Variants in XDH observed in about 807,000 individuals in gnomAD.
XDH encodes xanthine dehydrogenase.
Under a neutral mutation model 156.1 loss-of-function variants are expected in XDH, and 138 were observed. The observed-to-expected ratio is 0.88, with a 90% CI of 0.77 to 1.02. The LOEUF (loss-of-function observed/expected upper bound fraction) is 1.02, where lower values mean the gene tolerates loss of function less well. XDH is among the 50% of genes least tolerant of loss of function. The pLI, the probability that XDH is intolerant of heterozygous loss-of-function variation, is 0.00. For synonymous variants in XDH, 669 were observed against 625.7 expected (o/e 1.07, Z -1.03); for missense variants, 1,849 against 1,684.9 (o/e 1.10, Z -1.71).
At position 31,337,780 on chromosome 2, in the gene XDH, A is replaced by G. The variant is rs753175342; in HGVS notation, c.3812T>C (p.Ile1271Thr). The part of the protein sequence containing the change: ...GEPPLFLAAS[I>T]FFAIKDAIRA... ...GATGGCATCTTTGATGGCAAAGAAG[A>G]TAGAAGCAGCCAGGAAGAGGGGCGG... Residue 1271 changes from isoleucine to threonine, a missense_variant, in exon 35 of 36, where the codon ATC becomes ACC. Coordinates refer to ENST00000379416, the MANE Select transcript of XDH (RefSeq NM_000379.4). 27 of 1,614,090 alleles carry G rather than the reference A, an allele frequency of 1.7e-5. No homozygotes were observed. The highest frequency in any genetic ancestry group is 2.3e-5 in the Non-Finnish European group (27 of 1,180,038).
rs770700444 is a variant in XDH at position 31,398,666 on chromosome 2, C to T, written c.340G>A (p.Gly114Arg). 47 of 1,614,018 alleles carry T rather than the reference C, an allele frequency of 2.9e-5. No homozygotes were observed. The highest frequency in any genetic ancestry group is 3.6e-5 in the Non-Finnish European group (42 of 1,180,000). ...RIAKSHGSQC[G>R]FCTPGIVMSM... ...ATGACGATGCCAGGGGTGCAGAACCCGCACTGGGAGCCGTGGCTTTTGGCA... is the reference window on the plus strand; with the variant it reads ...ATGACGATGCCAGGGGTGCAGAACCTGCACTGGGAGCCGTGGCTTTTGGCA... The change falls in exon 5 of 36, where the codon GGG (glycine) becomes AGG (arginine). Residue 114 changes from glycine to arginine, a missense_variant. Transcript: ENST00000379416.
chr2:31,377,349 A>G (rs1686272950), intron 13 of XDH, 112 bp from the exon 14 acceptor site: 2 of 1,171,270 alleles, frequency 1.7e-6, no homozygotes, highest in African/African-American at 3.0e-5. Flanking sequence ...ACCATCACAC[A>G]TCAGTGGGTG....
rs1468438836 is a variant in XDH at position 31,375,558 on chromosome 2, C to T, written c.1428-4G>A. 1 of 1,612,894 alleles carries T rather than the reference C, an allele frequency of 6.2e-7. No homozygotes were observed. Among genetic ancestry groups the T allele is most frequent in the Admixed American group, 1.7e-5 (1 of 60,008 alleles). Reference sequence around the variant, plus strand: ...CAGCAGCTCCTCCTTCCAGAGCCTGCCAGAGAGCAGGGCGTGGGACAGCGC... The same window carrying T: ...CAGCAGCTCCTCCTTCCAGAGCCTGTCAGAGAGCAGGGCGTGGGACAGCGC... On this transcript the variant is annotated splice_polypyrimidine_tract_variant and splice_region_variant and intron_variant, in intron 14 of 35. Transcript: ENST00000379416.
At chr2:31,386,378 C>T in intron 9 of XDH, 36 bp downstream of exon 9, 1 of 1,607,926 alleles carries the variant, frequency 6.2e-7, no homozygotes. Flanking sequence ...CCCCCAGACC[C>T]CCTGGCAGCC....
chr2:31,371,779 A>C (rs1314384991), intron 17 of XDH, among the ~76,000 whole-genome samples: 1 of 152,186 alleles, frequency 6.6e-6, no homozygotes, highest in African/African-American at 2.4e-5. Flanking sequence ...TAGGAGCAGC[A>C]GCAGAGAAAA....
In XDH at chr2:31,349,828, G is replaced by A. The variant is rs759966525; in HGVS notation, c.2827C>T (p.Arg943Trp). 1.7e-5 allele frequency: 27 copies of A among 1,613,784 alleles called. No homozygotes were observed. Among genetic ancestry groups the A allele is most frequent in the Middle Eastern group, 1.7e-4 (1 of 5,968 alleles). ...CCTTCTTTGTACAGGTTTTTTCTCCGCACCTTCCCAAGGAGAGAGACACAG... is the reference window on the plus strand; with the variant it reads ...CCTTCTTTGTACAGGTTTTTTCTCCACACCTTCCCAAGGAGAGAGACACAG... Reference protein sequence around the residue: ...VTCGMPAEEVRRKNLYKEGDL... With the variant: ...VTCGMPAEEVWRKNLYKEGDL... The change falls in exon 26 of 36, where the codon CGG becomes TGG. Residue 943 changes from arginine to tryptophan, a missense_variant. Coordinates refer to ENST00000379416, the MANE Select transcript of XDH (RefSeq NM_000379.4).
intron 4 of XDH, among the ~76,000 whole-genome samples, chr2:31,400,846 T>C (rs1055949256): frequency 6.6e-6 from 1 of 152,118 alleles, no homozygotes; most frequent in Non-Finnish European, 1.5e-5. Flanking sequence ...GCACAGATAA[T>C]TAAAATTCAA....
chr2:31,350,365 C>CAT, intron 24 of XDH, 142 bp from the exon 25 acceptor site: 1 of 519,154 alleles, frequency 1.9e-6, no homozygotes, highest in Non-Finnish European at 3.3e-6. Flanking sequence ...ATTGCAGCAG[C>CAT]ATCTTTTTTT....
chr2:31,393,896 T>C (rs904746907), intron 6 of XDH, among the ~76,000 whole-genome samples: 1 of 151,682 alleles, frequency 6.6e-6, no homozygotes, highest in African/African-American at 2.4e-5. Context: ...GCTTTACAGG[T>C]AGTGATTGTA....
intron 5 of XDH, among the ~76,000 whole-genome samples, chr2:31,398,067 A>G (rs1291495933): frequency 6.6e-6 from 1 of 152,238 alleles, no homozygotes; most frequent in African/African-American, 2.4e-5. Flanking sequence ...TTTTGAGAGT[A>G]GAGGGTGTGT....
At chr2:31,374,141 C>T (rs112189223) in intron 15 of XDH, among the ~76,000 whole-genome samples, 185 bp from the exon 16 acceptor site, 1 of 152,168 alleles carries the variant, frequency 6.6e-6, no homozygotes, top group Non-Finnish European at 1.5e-5. Flanking sequence ...AATTTAAGAG[C>T]AGCCTCAGCT....
Position 31,365,989 on chromosome 2 carries a change from G to A in XDH, c.2443C>T (p.Leu815=), listed in dbSNP as rs753613140. 6.2e-7 allele frequency: 1 copy of A among 1,614,182 alleles called. No homozygotes were observed. Among genetic ancestry groups the A allele is most frequent in the South Asian group, 1.1e-5 (1 of 91,078 alleles). ...TTTGGAACTCACTTATATGCAGCCA[G>A]GGCCACTGCCGTGGACACCACAGTG... ...RSTVVSTAVA[L]AAYKTGRPVR... is the part of the protein sequence containing the mutation. Residue 815 remains leucine, a synonymous_variant, in exon 22 of 36, where the codon CTG becomes TTG. Coordinates refer to ENST00000379416, the MANE Select transcript of XDH (RefSeq NM_000379.4).
intron 21 of XDH, 120 bp downstream of exon 21, chr2:31,366,750 T>C: frequency 6.6e-7 from 1 of 1,514,468 alleles, no homozygotes; most frequent in African/African-American, 1.4e-5. Flanking sequence ...ACTATGACAC[T>C]CGAGTACCCT....
chr2:31,400,236 C>CTT (rs34200607), intron 4 of XDH, among the ~76,000 whole-genome samples: 129 of 124,664 alleles, frequency 1.0e-3, no homozygotes, highest in Middle Eastern at 4.1e-3. Flanking sequence ...CTGGTAACTT[C>CTT]TTTTTTTTTT....
intron 9 of XDH, among the ~76,000 whole-genome samples, chr2:31,385,673 TC>T (rs1343948644): frequency 1.3e-5 from 2 of 152,174 alleles, no homozygotes; most frequent in African/African-American, 4.8e-5. Flanking sequence ...TGGGAACCTC[TC>T]CCCATCTCTT....
intron 6 of XDH, among the ~76,000 whole-genome samples, chr2:31,391,688 T>C (rs1309740782): frequency 6.6e-6 from 1 of 152,242 alleles, no homozygotes; most frequent in African/African-American, 2.4e-5. Flanking sequence ...TTTGTAGTTT[T>C]TCTCACATAA....
intron 24 of XDH, among the ~76,000 whole-genome samples, chr2:31,363,712 C>T (rs1035833011): frequency 7.2e-5 from 11 of 152,060 alleles, no homozygotes; most frequent in African/African-American, 2.7e-4. Context: ...ACAGTGTGTA[C>T]GCCTCTCAAT....
At chr2:31,366,387 G>C (rs1685915954) in intron 21 of XDH, among the ~76,000 whole-genome samples, 1 of 152,194 alleles carries the variant, frequency 6.6e-6, no homozygotes, top group South Asian at 2.1e-4. Flanking sequence ...GATCATGAGA[G>C]TAGGACCAGC....
intron 24 of XDH, among the ~76,000 whole-genome samples, chr2:31,353,663 C>G (rs1460087993): frequency 1.3e-5 from 2 of 152,140 alleles, no homozygotes; most frequent in Non-Finnish European, 2.9e-5. Flanking sequence ...CTATATATTC[C>G]AAATCCTTTT....
Sources: gnomAD v4.1 joint callset for allele counts (sites outside exome capture counted in the v4.1 genomes callset) on GRCh38, gnomAD v4.1.1 for gene constraint, MANE v1.5 for transcripts, NCBI Gene and HGNC (gene_info 2026-07-23, HGNC 2026-07-21) for gene names.